The following PAK5 variants were observed in gnomAD, a reference collection of about 807,000 sequenced individuals.
PAK5 encodes serine/threonine-protein kinase PAK 5.
A neutral mutation model predicts 65.9 loss-of-function variants in PAK5; 16 were observed. The observed-to-expected ratio is 0.24, with a 90% CI of 0.16 to 0.37. PAK5 has a LOEUF of 0.37. PAK5 is among the 10% of genes least tolerant of loss of function. The pLI, the probability that PAK5 is intolerant of heterozygous loss-of-function variation, is 1.00. For missense variants in PAK5, 785 were observed against 903.9 expected (o/e 0.87, Z 1.69); for synonymous variants, 371 against 354.9 (o/e 1.05, Z -0.51).
chr20:9,661,384 G>C (rs1229632401), intron 2 of PAK5, among the ~76,000 whole-genome samples: 1 of 152,056 alleles, frequency 6.6e-6, no homozygotes, highest in Non-Finnish European at 1.5e-5. Flanking sequence ...ATCTGCCTAA[G>C]ATCCAGACCC....
At chr20:9,824,597 C>G (rs2049462585) in intron 1 of PAK5, among the ~76,000 whole-genome samples, 2 of 152,026 alleles carry the variant, frequency 1.3e-5, no homozygotes, top group South Asian at 4.2e-4. Context: ...CCATCCCTAC[C>G]TGGGATGCTG....
At chr20:9,608,884 G>A (rs148989014) in intron 3 of PAK5, among the ~76,000 whole-genome samples, 67 of 152,310 alleles carry the variant, frequency 4.4e-4, no homozygotes, top group African/African-American at 1.4e-3. Context: ...TCTATCTGAT[G>A]CAGCTGGTGA....
chr20:9,781,073 A>C (rs1439250217), intron 1 of PAK5, among the ~76,000 whole-genome samples: 1 of 152,182 alleles, frequency 6.6e-6, no homozygotes, highest in Non-Finnish European at 1.5e-5. Context: ...TTATATTGGC[A>C]GCTATCACTG....
chr20:9,730,276 A>C (rs2048322705), intron 1 of PAK5, among the ~76,000 whole-genome samples: 1 of 152,116 alleles, frequency 6.6e-6, no homozygotes, highest in Non-Finnish European at 1.5e-5. Flanking sequence ...TCTAACAAAA[A>C]GTAGTACAAT....
At chr20:9,658,704 A>C (rs1433819161) in intron 2 of PAK5, among the ~76,000 whole-genome samples, 1 of 152,186 alleles carries the variant, frequency 6.6e-6, no homozygotes, top group African/African-American at 2.4e-5. Flanking sequence ...AGGGTAAACA[A>C]ACCCTGATTG....
chr20:9,776,808 A>G (rs559267793), intron 1 of PAK5, among the ~76,000 whole-genome samples: 61 of 152,344 alleles, frequency 4.0e-4, no homozygotes, highest in African/African-American at 1.4e-3. Flanking sequence ...CTACAACCTC[A>G]TAAGAGAACT....
At chr20:9,581,006 C>T in intron 3 of PAK5, 76 bp from the exon 4 acceptor site, 1 of 1,070,546 alleles carries the variant, frequency 9.3e-7, no homozygotes, top group Non-Finnish European at 1.4e-6. Flanking sequence ...CCCACCCCCA[C>T]TCCATCCAAA....
chr20:9,608,392 T>A (rs4994224), intron 3 of PAK5, among the ~76,000 whole-genome samples: 28,592 of 152,236 alleles, frequency 0.19, 2,846 homozygotes, highest in East Asian at 0.29. Flanking sequence ...GAAGTTTCTA[T>A]GAATGCCTTA....
chr20:9,791,257 G>A (rs2049047101), intron 1 of PAK5, among the ~76,000 whole-genome samples: 1 of 152,140 alleles, frequency 6.6e-6, no homozygotes, highest in African/African-American at 2.4e-5. Flanking sequence ...CTAGCAGGGT[G>A]TCTTTGGGCA....
At chr20:9,727,028 C>T (rs1445005293) in intron 1 of PAK5, among the ~76,000 whole-genome samples, 1 of 152,010 alleles carries the variant, frequency 6.6e-6, no homozygotes, top group Non-Finnish European at 1.5e-5. Context: ...GTTGTATGGC[C>T]TTTGTTTTCT....
At chr20:9,556,666 T>C (rs1364770903) in intron 7 of PAK5, among the ~76,000 whole-genome samples, 3 of 152,218 alleles carry the variant, frequency 2.0e-5, no homozygotes, top group Non-Finnish European at 4.4e-5. Flanking sequence ...TCCTTGGCTG[T>C]TATATTCCAT....
intron 1 of PAK5, among the ~76,000 whole-genome samples, chr20:9,748,090 C>T (rs571915029): frequency 6.8e-6 from 1 of 146,142 alleles, no homozygotes; most frequent in Non-Finnish European, 1.5e-5. Context: ...TTCACAATTG[C>T]TTCAAAGAGA....
chr20:9,585,635 T>G (rs560586280), intron 3 of PAK5, among the ~76,000 whole-genome samples: 219 of 152,340 alleles, frequency 1.4e-3, no homozygotes, highest in Non-Finnish European at 1.2e-3. Flanking sequence ...CATTCTTTAT[T>G]TCATTACCTG....
At chr20:9,680,714 G>A (rs6056799) in intron 2 of PAK5, among the ~76,000 whole-genome samples, 2,369 of 152,288 alleles carry the variant, frequency 0.016, 23 homozygotes, top group Middle Eastern at 0.041. Flanking sequence ...TAGACATGTA[G>A]AGGAATGTTA....
chr20:9,555,961 T>C (rs1028589665), intron 7 of PAK5, among the ~76,000 whole-genome samples: 2 of 152,176 alleles, frequency 1.3e-5, no homozygotes, highest in Non-Finnish European at 2.9e-5. Flanking sequence ...GCTATCACCA[T>C]AGGCTGATCA....
At chr20:9,807,902 C>T (rs1218348906) in intron 1 of PAK5, among the ~76,000 whole-genome samples, 5 of 151,874 alleles carry the variant, frequency 3.3e-5, no homozygotes, top group East Asian at 1.9e-4. Context: ...TCTGAGATCC[C>T]GAGTTAGCAC....
chr20:9,781,473 T>G (rs941928804), intron 1 of PAK5, among the ~76,000 whole-genome samples: 1 of 152,162 alleles, frequency 6.6e-6, no homozygotes, highest in Non-Finnish European at 1.5e-5. Flanking sequence ...TAAACTGGGA[T>G]GCTGTGGTTA....
At chr20:9,744,778 C>T (rs1270518480) in intron 1 of PAK5, among the ~76,000 whole-genome samples, 1 of 152,216 alleles carries the variant, frequency 6.6e-6, no homozygotes, top group African/African-American at 2.4e-5. Flanking sequence ...ATGGTTGACA[C>T]ACCCACAGCC....
At chr20:9,796,471 G>T (rs890789465) in intron 1 of PAK5, among the ~76,000 whole-genome samples, 1 of 152,130 alleles carries the variant, frequency 6.6e-6, no homozygotes, top group Non-Finnish European at 1.5e-5. Flanking sequence ...ATTGTATATA[G>T]CATGTAGCCC....
Sources: allele counts gnomAD v4.1 joint callset (sites outside exome capture counted in the v4.1 genomes callset), GRCh38; gene constraint gnomAD v4.1.1; transcripts MANE v1.5; gene names NCBI Gene and HGNC (gene_info 2026-07-23, HGNC 2026-07-21).